Variants in WDR41 observed in about 807,000 individuals in gnomAD.
The protein encoded by WDR41 is WD repeat-containing protein 41.
In WDR41, 63 loss-of-function variants were observed where a neutral mutation model predicts 69.3. The ratio of observed to expected loss-of-function variants is 0.91; its 90% CI spans 0.74 to 1.12. WDR41 has a LOEUF of 1.12. WDR41 is among the 50% of genes most tolerant of loss of function. The pLI, the probability that WDR41 is intolerant of heterozygous loss-of-function variation, is 0.00. For missense variants in WDR41, 543 were observed against 534.5 expected (o/e 1.02, Z -0.16); for synonymous variants, 185 against 192.1 (o/e 0.96, Z 0.31).
chr5:77,554,638 A>G (rs1340357304), intron 1 of WDR41, among the ~76,000 whole-genome samples: 2 of 149,744 alleles, frequency 1.3e-5, no homozygotes, highest in Non-Finnish European at 1.5e-5. Flanking sequence ...TATAATATAT[A>G]GTATAATTTA....
At chr5:77,588,032 A>G (rs1213420496) in intron 1 of WDR41, among the ~76,000 whole-genome samples, 3 of 152,206 alleles carry the variant, frequency 2.0e-5, no homozygotes, top group African/African-American at 4.8e-5. Flanking sequence ...CAGAAGCCCT[A>G]ATGAACTAAT....
intron 2 of WDR41, among the ~76,000 whole-genome samples, chr5:77,478,187 T>C (rs1432771375): frequency 6.6e-6 from 1 of 152,046 alleles, no homozygotes; most frequent in Non-Finnish European, 1.5e-5. Flanking sequence ...TAATCAATAG[T>C]TTACCAACCA....
chr5:77,504,205 G>A (rs1360892212), intron 1 of WDR41, among the ~76,000 whole-genome samples: 1 of 152,002 alleles, frequency 6.6e-6, no homozygotes, highest in Non-Finnish European at 1.5e-5. Flanking sequence ...TATCACCACT[G>A]ATCCCACAGA....
intron 9 of WDR41, 25 bp downstream of exon 9, chr5:77,440,788 T>G (rs1799126586): frequency 6.2e-7 from 1 of 1,610,692 alleles, no homozygotes; most frequent in African/African-American, 1.3e-5. Context: ...AAGGCAAGTT[T>G]ATAGATAGTG....
chr5:77,590,561 C>G (rs1415211746), intron 1 of WDR41, among the ~76,000 whole-genome samples: 1 of 152,110 alleles, frequency 6.6e-6, no homozygotes, highest in African/African-American at 2.4e-5. Flanking sequence ...GAAACTAGGT[C>G]AGAGCTGACA....
rs1581778228 is a variant in WDR41, at chr5:77,507,207, A to G, written c.43-17635T>C. Among the ~76,000 whole-genome samples, 3 of 152,314 alleles carry G rather than the reference A, an allele frequency of 2.0e-5. No individual in the cohort carries two copies. The East Asian group carries it at 5.8e-4, about 29-fold the overall frequency. ...CATCAGAGTTCTGGAGATTGGTTGC[A>G]TGAGAACGTAGGCATATTTAAAGTA... On this transcript the variant is annotated intron_variant, in intron 1 of 5. Transcript: ENST00000509971.
At position 77,453,850 on chromosome 5, in the gene WDR41, G is replaced by A; in HGVS notation, c.490C>T (p.Leu164Phe). ...GAAAGGTGGCTAGTCTTACACAGGA[G>A]ATCTAATTTTCGGTTCCACACACAC... ...DLCVWNRKLD[L>F]LCKTSHLSDT... Residue 164 changes from leucine (L) to phenylalanine (F), a missense_variant, in exon 6 of 13, where the codon CTC (leucine) becomes TTC (phenylalanine). Physicochemically the swap from Leu to Phe is conservative, Grantham distance 22 (BLOSUM62 0). Transcript: ENST00000296679. 6.2e-7 allele frequency: 1 copy of A among 1,614,018 alleles called. No individual in the cohort carries two copies. Among genetic ancestry groups the A allele is most frequent in the Non-Finnish European group, 8.5e-7 (1 of 1,179,968 alleles).
chr5:77,575,590 G>T (rs1580019508), intron 1 of WDR41, among the ~76,000 whole-genome samples: 1 of 152,112 alleles, frequency 6.6e-6, no homozygotes, highest in Non-Finnish European at 1.5e-5. Flanking sequence ...TAAGTTGCAG[G>T]TGTGCTCAGG....
At chr5:77,519,098 C>A (rs1426833488) in intron 1 of WDR41, among the ~76,000 whole-genome samples, 1 of 151,954 alleles carries the variant, frequency 6.6e-6, no homozygotes, top group African/African-American at 2.4e-5. Flanking sequence ...AATATAATTT[C>A]AGGTACTTGA....
At chr5:77,461,691 A>T (rs1800070439) in intron 4 of WDR41, among the ~76,000 whole-genome samples, 1 of 152,086 alleles carries the variant, frequency 6.6e-6, no homozygotes, top group African/African-American at 2.4e-5. Context: ...CAAAAAAATT[A>T]GCCGGACGTG....
intron 1 of WDR41, among the ~76,000 whole-genome samples, chr5:77,609,426 C>T (rs1404636920): frequency 1.3e-5 from 2 of 152,184 alleles, no homozygotes; most frequent in African/African-American, 4.8e-5. Context: ...CAGACTGACA[C>T]CTCACACGGC....
At chr5:77,563,399 C>T (rs1743560390) in intron 1 of WDR41, among the ~76,000 whole-genome samples, 1 of 152,088 alleles carries the variant, frequency 6.6e-6, no homozygotes. Flanking sequence ...AACAGCACTC[C>T]CCTACACATA....
At chr5:77,583,717 A>G (rs1449426043) in intron 1 of WDR41, among the ~76,000 whole-genome samples, 2 of 152,148 alleles carry the variant, frequency 1.3e-5, no homozygotes, top group Non-Finnish European at 2.9e-5. Flanking sequence ...AATTCCAAAA[A>G]ATAGCAAATG....
At chr5:77,534,057 T>C (rs968286479) in intron 1 of WDR41, among the ~76,000 whole-genome samples, 2 of 152,188 alleles carry the variant, frequency 1.3e-5, no homozygotes, top group African/African-American at 4.8e-5. Context: ...TAAAATACAA[T>C]GTAATATTTC....
chr5:77,555,581 A>C (rs1743375606), intron 1 of WDR41, among the ~76,000 whole-genome samples: 1 of 152,160 alleles, frequency 6.6e-6, no homozygotes, highest in South Asian at 2.1e-4. Context: ...AAGTGCTGGG[A>C]TTACAGGTGT....
Position 77,449,797 on chromosome 5 carries a change from A to G in WDR41, c.660T>C (p.Asp220=). Residue 220 remains aspartate, a synonymous_variant, in exon 8 of 13, where the codon GAT becomes GAC. Coordinates refer to ENST00000296679, the MANE Select transcript of WDR41 (RefSeq NM_018268.4). The part of the protein sequence containing the change: ...WDILEVKRLL[D]HQDNILSLIN... The stretch of plus-strand genomic sequence containing the variant: ...TCAATGAGAGAATATTATCCTGGTG[A>G]TCAAGGAGGCGCTTAACTTCAAGAA... 4 of 1,613,540 alleles carry G rather than the reference A, an allele frequency of 2.5e-6. No homozygotes were observed. Among genetic ancestry groups the G allele is most frequent in the Non-Finnish European group, 3.4e-6 (4 of 1,179,482 alleles).
At chr5:77,567,663 TAA>T (rs60723638) in intron 1 of WDR41, among the ~76,000 whole-genome samples, 106 of 106,344 alleles carry the variant, frequency 1.0e-3, no homozygotes, top group Non-Finnish European at 1.1e-3. Context: ...AACCAAATAG[TAA>T]AAAAAAAAAA....
upstream of WDR41, chr5:77,492,521 A>T: frequency 2.7e-6 from 1 of 363,910 alleles, no homozygotes; most frequent in Non-Finnish European, 4.9e-6. Flanking sequence ...CACGCGCGGG[A>T]GCGCCGCCGG....
At chr5:77,481,507 C>T (rs1024583122) in intron 2 of WDR41, among the ~76,000 whole-genome samples, 3 of 152,018 alleles carry the variant, frequency 2.0e-5, no homozygotes, top group Non-Finnish European at 4.4e-5. Context: ...CACATCCTGG[C>T]TGGGTTTGGT....
Sources: allele counts gnomAD v4.1 joint callset (sites outside exome capture counted in the v4.1 genomes callset), GRCh38; gene constraint gnomAD v4.1.1; transcripts MANE v1.5; gene names NCBI Gene and HGNC (gene_info 2026-07-23, HGNC 2026-07-21).